Variants in AUTS2 observed in about 807,000 individuals in gnomAD.
The protein encoded by AUTS2 is autism susceptibility gene 2 protein.
A neutral mutation model predicts 112.4 loss-of-function variants in AUTS2; 17 were observed. The ratio of observed to expected loss-of-function variants is 0.15; its 90% CI spans 0.10 to 0.23. AUTS2 has a LOEUF of 0.23. AUTS2 is among the 10% of genes least tolerant of loss of function. The pLI is 1.00. For missense variants in AUTS2, 1,510 were observed against 1,701.6 expected, an observed-to-expected ratio of 0.89 and a Z score of 1.98; for synonymous variants, 751 against 702.7, an observed-to-expected ratio of 1.07 and a Z score of -1.09.
At chr7:70,656,757 A>G (rs1256249014) in intron 5 of AUTS2, among the ~76,000 whole-genome samples, 1 of 152,200 alleles carries the variant, frequency 6.6e-6, no homozygotes, top group Non-Finnish European at 1.5e-5. Flanking sequence ...CAATAGGATT[A>G]CAGGAGGACA....
At chr7:69,740,019 T>C (rs2129244282) in intron 1 of AUTS2, among the ~76,000 whole-genome samples, 1 of 152,326 alleles carries the variant, frequency 6.6e-6, no homozygotes, top group South Asian at 2.1e-4. Context: ...AGTTTGAGAC[T>C]ATCTTTAGTG....
At chr7:69,891,774 CTTTTTTTTTTTTTTTTTTTTTTTTTTT>C (rs763424098) in intron 1 of AUTS2, among the ~76,000 whole-genome samples, 1 of 26,714 alleles carries the variant, frequency 3.7e-5, no homozygotes. Context: ...AGACAGATAT[CTTTTTTTTTTTTTTTTTTTTTTTTTTT>C]TTTTTTTTTT....
intron 4 of AUTS2, among the ~76,000 whole-genome samples, chr7:70,168,753 T>C (rs1385773295): frequency 6.6e-6 from 1 of 152,220 alleles, no homozygotes; most frequent in African/African-American, 2.4e-5. Flanking sequence ...TAGAAATTAA[T>C]ATTAGTTTTA....
At chr7:70,108,281 CAA>C (rs1477325727) in intron 2 of AUTS2, among the ~76,000 whole-genome samples, 1 of 152,040 alleles carries the variant, frequency 6.6e-6, no homozygotes, top group Non-Finnish European at 1.5e-5. Flanking sequence ...AGCTTGCAAC[CAA>C]AGTATTTTAT....
At chr7:70,662,044 G>C (rs118015584) in intron 5 of AUTS2, among the ~76,000 whole-genome samples, 1 of 152,146 alleles carries the variant, frequency 6.6e-6, no homozygotes, top group Non-Finnish European at 1.5e-5. Context: ...AGCAGACAAT[G>C]GGGGGGCAGA....
intron 4 of AUTS2, among the ~76,000 whole-genome samples, chr7:70,171,904 T>C (rs200034545): frequency 3.6e-4 from 50 of 138,134 alleles, no homozygotes; most frequent in Middle Eastern, 8.1e-3. Context: ...GTTTTTTTTT[T>C]TGGGGGGGGG....
Position 70,212,171 on chromosome 7 carries a change from G to A in AUTS2, c.660+77600G>A, listed in dbSNP as rs1289219212. On this transcript the variant is annotated intron_variant, in intron 4 of 18. Coordinates refer to ENST00000342771, the MANE Select transcript of AUTS2 (RefSeq NM_015570.4). ...CTAGTTTTGTGGTGGTGGGATCTGAGCACTGCTGAGTGTTAACAAAAGGGA... is the reference window on the plus strand; with the variant it reads ...CTAGTTTTGTGGTGGTGGGATCTGAACACTGCTGAGTGTTAACAAAAGGGA... Among the ~76,000 whole-genome samples the A allele has an allele frequency of 3.3e-5, 5 of 152,328 alleles. No homozygotes were observed. In the East Asian group the frequency reaches 9.7e-4, roughly 29 times the overall value.
In AUTS2 at chr7:69,963,954, C is replaced by T. The variant is rs544520320; in HGVS notation, c.522+64456C>T. ...CTTTAAAAAGAACAAAAACCAATAA[C>T]GTACCTCCTAAATTGAGGTTGATCT... On this transcript the variant is annotated intron_variant, in intron 2 of 18. Transcript: ENST00000342771. Among the ~76,000 whole-genome samples, 68 of 152,214 alleles carry T rather than the reference C, an allele frequency of 4.5e-4. No individual in the cohort carries two copies. The South Asian group carries it at 8.5e-3, about 19-fold the overall frequency.
At chr7:70,160,995 G>A (rs549601652) in intron 4 of AUTS2, among the ~76,000 whole-genome samples, 1 of 152,262 alleles carries the variant, frequency 6.6e-6, no homozygotes, top group South Asian at 2.1e-4. Context: ...AACAGAACTT[G>A]TGCGTTCCTG....
intron 5 of AUTS2, among the ~76,000 whole-genome samples, chr7:70,446,758 G>A (rs1796335085): frequency 6.6e-6 from 1 of 152,182 alleles, no homozygotes; most frequent in African/African-American, 2.4e-5. Flanking sequence ...CAGGCAGGCG[G>A]TCTGATGGGG....
chr7:70,689,353 C>T (rs1004070366), intron 5 of AUTS2, among the ~76,000 whole-genome samples: 1 of 152,086 alleles, frequency 6.6e-6, no homozygotes, highest in African/African-American at 2.4e-5. Context: ...TGCACTCCAG[C>T]CTGGGTGATA....
chr7:69,968,950 C>A (rs1584506464), intron 2 of AUTS2, among the ~76,000 whole-genome samples: 1 of 151,852 alleles, frequency 6.6e-6, no homozygotes, highest in Non-Finnish European at 1.5e-5. Context: ...TTAAAATATC[C>A]ATTTTTTATT....
intron 6 of AUTS2, among the ~76,000 whole-genome samples, chr7:70,720,342 A>T (rs755512119): frequency 6.6e-6 from 1 of 152,156 alleles, no homozygotes. Flanking sequence ...CTGTTAGGGT[A>T]TGAGCATAAA....
chr7:69,717,144 T>C (rs1200348642), intron 1 of AUTS2, among the ~76,000 whole-genome samples: 1 of 152,204 alleles, frequency 6.6e-6, no homozygotes. Context: ...TTTCCAAAGT[T>C]TTTTTCTCCC....
intron 5 of AUTS2, among the ~76,000 whole-genome samples, chr7:70,584,061 G>A (rs903686530): frequency 9.2e-5 from 14 of 152,170 alleles, no homozygotes; most frequent in Non-Finnish European, 5.9e-5. Context: ...TATCTAAGAG[G>A]TGTTCATTGT....
intron 2 of AUTS2, among the ~76,000 whole-genome samples, chr7:70,097,757 A>C (rs1750344041): frequency 6.6e-6 from 1 of 152,214 alleles, no homozygotes; most frequent in Admixed American, 6.5e-5. Context: ...GCTAAATTTA[A>C]TGTTAATCCA....
At chr7:70,002,205 A>T (rs923055547) in intron 2 of AUTS2, among the ~76,000 whole-genome samples, 2 of 152,192 alleles carry the variant, frequency 1.3e-5, no homozygotes, top group East Asian at 3.9e-4. Context: ...TGGGCCAATA[A>T]CTTGGGGATG....
At chr7:70,335,113 A>G (rs1191061754) in intron 4 of AUTS2, among the ~76,000 whole-genome samples, 1 of 152,126 alleles carries the variant, frequency 6.6e-6, no homozygotes, top group African/African-American at 2.4e-5. Flanking sequence ...GGCTTTGAAA[A>G]TGCCACACGT....
intron 1 of AUTS2, among the ~76,000 whole-genome samples, chr7:69,775,154 T>C (rs978154429): frequency 8.5e-5 from 13 of 152,198 alleles, no homozygotes; most frequent in African/African-American, 3.1e-4. Flanking sequence ...AAAACTGTAT[T>C]GTGGTATGTT....
Sources: gnomAD v4.1 joint callset for allele counts (sites outside exome capture counted in the v4.1 genomes callset) on GRCh38, gnomAD v4.1.1 for gene constraint, MANE v1.5 for transcripts, NCBI Gene and HGNC (gene_info 2026-07-23, HGNC 2026-07-21) for gene names.